CTIF: variants seen among roughly 807,000 people sequenced by gnomAD.
CTIF encodes CBP80/20-dependent translation initiation factor.
CTIF carries 21 observed loss-of-function variants against 66.0 expected under a neutral mutation model. That is an observed-to-expected ratio of 0.32 (90% confidence interval 0.23 to 0.46). The LOEUF is 0.46. Ranked by LOEUF, CTIF falls within the 20% of genes least tolerant of loss-of-function variation. The pLI is 1.00. For missense variants in CTIF, 739 were observed against 812.7 expected (o/e 0.91, Z 1.10); for synonymous variants, 345 against 326.4 (o/e 1.06, Z -0.62).
chr18:48,640,090 G>A (rs1388268101), intron 3 of CTIF, among the ~76,000 whole-genome samples: 1 of 152,202 alleles, frequency 6.6e-6, no homozygotes, highest in Non-Finnish European at 1.5e-5. Context: ...TGCCTTTGCT[G>A]AGTGCCACTC....
intron 3 of CTIF, among the ~76,000 whole-genome samples, chr18:48,651,929 A>G (rs1442451452): frequency 6.6e-6 from 1 of 152,246 alleles, no homozygotes; most frequent in Non-Finnish European, 1.5e-5. Context: ...GAGAACAAAG[A>G]CACAACGTAC....
chr18:48,603,175 T>C (rs2090130171), intron 1 of CTIF, among the ~76,000 whole-genome samples: 1 of 145,334 alleles, frequency 6.9e-6, no homozygotes, highest in Non-Finnish European at 1.5e-5. Context: ...GTTGGATGGA[T>C]AGATGGGTGG....
At chr18:48,580,964 C>A (rs569120517) in intron 1 of CTIF, among the ~76,000 whole-genome samples, 1 of 152,230 alleles carries the variant, frequency 6.6e-6, no homozygotes, top group Non-Finnish European at 1.5e-5. Context: ...ACACTGCTTT[C>A]GCATGTATTG....
At chr18:48,818,921 G>A (rs999293356) in intron 10 of CTIF, among the ~76,000 whole-genome samples, 1 of 152,180 alleles carries the variant, frequency 6.6e-6, no homozygotes, top group Non-Finnish European at 1.5e-5. Context: ...GTGAATGGCA[G>A]CAGGGAAGGA....
At chr18:48,739,379 G>A (rs1409054246) in intron 7 of CTIF, among the ~76,000 whole-genome samples, 4 of 152,232 alleles carry the variant, frequency 2.6e-5, no homozygotes, top group East Asian at 3.8e-4. Flanking sequence ...TGTGAAGGAC[G>A]GAACCCCTGC....
intron 1 of CTIF, among the ~76,000 whole-genome samples, chr18:48,569,618 C>T (rs891202768): frequency 1.3e-4 from 20 of 152,300 alleles, no homozygotes; most frequent in African/African-American, 4.1e-4. Context: ...TAAAGTACTA[C>T]GTTTGCAGAG....
At chr18:48,751,795 C>T (rs914236292) in intron 7 of CTIF, among the ~76,000 whole-genome samples, 1 of 152,174 alleles carries the variant, frequency 6.6e-6, no homozygotes, top group Non-Finnish European at 1.5e-5. Context: ...ACCCTGCCTC[C>T]ACCCCAACTT....
chr18:48,846,459 A>C (rs1329483272), intron 10 of CTIF, among the ~76,000 whole-genome samples: 1 of 152,020 alleles, frequency 6.6e-6, no homozygotes, highest in Non-Finnish European at 1.5e-5. Flanking sequence ...GGATGGATGG[A>C]TAGATGAGTA....
chr18:48,844,933 C>T (rs2069035852), intron 10 of CTIF, among the ~76,000 whole-genome samples: 2 of 152,158 alleles, frequency 1.3e-5, no homozygotes, highest in Admixed American at 6.5e-5. Flanking sequence ...TTGATCCTTT[C>T]CTCCTTTCTG....
At chr18:48,837,128 T>A (rs571367038) in intron 10 of CTIF, among the ~76,000 whole-genome samples, 2 of 152,118 alleles carry the variant, frequency 1.3e-5, no homozygotes, top group African/African-American at 4.8e-5. Context: ...CTGGCTCCCA[T>A]CCAATGCCCA....
intron 3 of CTIF, among the ~76,000 whole-genome samples, chr18:48,637,930 G>C (rs913330701): frequency 8.6e-5 from 13 of 152,034 alleles, no homozygotes; most frequent in Non-Finnish European, 1.9e-4. Context: ...GGCCTCTGAG[G>C]GTCCTTCTAA....
At chr18:48,740,876 A>T (rs1425310468) in intron 7 of CTIF, among the ~76,000 whole-genome samples, 1 of 152,208 alleles carries the variant, frequency 6.6e-6, no homozygotes, top group Admixed American at 6.5e-5. Flanking sequence ...CTAGCCCTGC[A>T]TGCCCCGACC....
intron 3 of CTIF, among the ~76,000 whole-genome samples, chr18:48,654,829 A>T (rs975756137): frequency 6.6e-6 from 1 of 152,190 alleles, no homozygotes; most frequent in African/African-American, 2.4e-5. Flanking sequence ...TTGCAGGGAC[A>T]TGGATTCAGC....
chr18:48,774,356 G>C (rs1277738203), intron 9 of CTIF, among the ~76,000 whole-genome samples: 2 of 152,110 alleles, frequency 1.3e-5, no homozygotes, highest in Non-Finnish European at 2.9e-5. Context: ...CTAGAATAAG[G>C]GGTCCCTGTA....
At chr18:48,769,997 A>G (rs1422713148) in intron 9 of CTIF, among the ~76,000 whole-genome samples, 2 of 152,172 alleles carry the variant, frequency 1.3e-5, no homozygotes, top group East Asian at 3.8e-4. Flanking sequence ...GGGGCGGGGG[A>G]ACATGTGGCT....
intron 3 of CTIF, among the ~76,000 whole-genome samples, chr18:48,657,149 T>G (rs1451081310): frequency 6.6e-6 from 1 of 152,050 alleles, no homozygotes; most frequent in Non-Finnish European, 1.5e-5. Flanking sequence ...TCCTGCAAAA[T>G]TCTCTGTGGA....
At chr18:48,649,318 C>T (rs942282280) in intron 3 of CTIF, among the ~76,000 whole-genome samples, 6 of 152,208 alleles carry the variant, frequency 3.9e-5, no homozygotes, top group South Asian at 2.1e-4. Flanking sequence ...GCTGGCTCAG[C>T]GGGTCCCATG....
intron 10 of CTIF, among the ~76,000 whole-genome samples, chr18:48,853,674 C>A (rs1422141129): frequency 1.1e-4 from 16 of 152,232 alleles, no homozygotes; most frequent in African/African-American, 3.9e-4. Context: ...GTGGCTCTGG[C>A]CAATCAAGCA....
At position 48,758,168 on chromosome 18, in the gene CTIF, G is replaced by C; in HGVS notation, c.834G>C (p.Glu278Asp). Residue 278 changes from glutamate to aspartate, a missense_variant, in exon 8 of 12, where the codon GAG becomes GAC. This residue lies in a region of CTIF where 529 missense variants were observed against 520.3 expected (regional missense o/e 1.02). Transcript: ENST00000256413. ...ATGCCAAAGAGACCATGACCATCGA[G>C]AACCCAAAACTGGAGGACACTGCAG... ...HRNAKETMTI[E>D]NPKLEDTAGD... The C allele has an allele frequency of 6.2e-7, 1 of 1,614,018 alleles. No homozygotes were observed. The highest frequency in any genetic ancestry group is 8.5e-7 in the Non-Finnish European group (1 of 1,180,020).
Sources: gnomAD v4.1 joint callset for allele counts (sites outside exome capture counted in the v4.1 genomes callset) on GRCh38, gnomAD v4.1.1 for gene constraint, gnomAD v4.1.1 regional missense constraint, MANE v1.5 for transcripts, NCBI Gene and HGNC (gene_info 2026-07-23, HGNC 2026-07-21) for gene names.